Variants in POLR2J observed in about 807,000 individuals in gnomAD.
The protein encoded by POLR2J is DNA-directed RNA polymerase II subunit RPB11-a.
A neutral mutation model predicts 13.4 loss-of-function variants in POLR2J; 12 were observed. The ratio of observed to expected loss-of-function variants is 0.90; its 90% CI spans 0.57 to 1.45. The LOEUF (loss-of-function observed/expected upper bound fraction) is 1.45, where lower values mean the gene tolerates loss of function less well. Among genes scored for constraint, POLR2J ranks in the 40% most tolerant of loss-of-function variants. The pLI, the probability that POLR2J is intolerant of heterozygous loss-of-function variation, is 0.00. For missense variants in POLR2J, 58 were observed against 132.0 expected (o/e 0.44, Z 2.75); for synonymous variants, 31 against 53.6 (o/e 0.58, Z 1.84).
At chr7:102,475,106 G>C in intron 2 of POLR2J, among the ~76,000 whole-genome samples, 1 of 152,174 alleles carries the variant, frequency 6.6e-6, no homozygotes, top group African/African-American at 2.4e-5. Flanking sequence ...GTGCATAGGT[G>C]GCAACACTGA....
At chr7:102,474,013 G>T in intron 3 of POLR2J, 2 of 1,439,182 alleles carry the variant, frequency 1.4e-6, no homozygotes, top group South Asian at 3.0e-5. Flanking sequence ...CCACCCGGGG[G>T]TGAGCTGCCT....
chr7:102,474,043 C>A lies in POLR2J; in HGVS notation c.318+318G>T, dbSNP rs566081651. The A allele has an allele frequency of 4.7e-5, 68 of 1,446,856 alleles. No homozygotes were observed. The African/African-American group carries it at 9.4e-4, about 20-fold the overall frequency. The allele number at this position is 1,446,856 out of a possible 1,614,324, so 89.6% of individuals were successfully genotyped here. ...CTGCCTCCCAGAGACCTGGAAGGAC[C>A]AGGCCTTGCCAATCACCAACAAGGG... On this transcript the variant is annotated intron_variant, in intron 3 of 3. Coordinates refer to ENST00000292614, the MANE Select transcript of POLR2J (RefSeq NM_006234.6).
intron 3 of POLR2J, chr7:102,473,969 G>T: frequency 1.4e-6 from 2 of 1,435,666 alleles, no homozygotes; most frequent in South Asian, 1.5e-5. Flanking sequence ...AACTGTTCTA[G>T]ATTCCCATGC....
Position 102,473,566 on chromosome 7 carries a change from T to G in POLR2J, c.*83A>C. 1.4e-6 allele frequency: 2 copies of G among 1,391,630 alleles called. No homozygotes were observed. The allele number at this position is 1,391,630 out of a possible 1,614,324, so 86.2% of individuals were successfully genotyped here. The stretch of plus-strand genomic sequence containing the variant: ...GCGGGCCATGGCTGGGACCGGCCGC[T>G]CTCCTCGGTGTGGTACCTGGAGCGG... On this transcript the variant is annotated 3_prime_UTR_variant, in exon 4 of 4. Transcript: ENST00000292614.
At position 102,473,570 on chromosome 7, in the gene POLR2J, C is replaced by T. The variant is rs925910970; in HGVS notation, c.*79G>A. On this transcript the variant is annotated 3_prime_UTR_variant, in exon 4 of 4. Coordinates refer to ENST00000292614, the MANE Select transcript of POLR2J (RefSeq NM_006234.6). Reference sequence around the variant, plus strand: ...GCCATGGCTGGGACCGGCCGCTCTCCTCGGTGTGGTACCTGGAGCGGAGGG... The same window carrying T: ...GCCATGGCTGGGACCGGCCGCTCTCTTCGGTGTGGTACCTGGAGCGGAGGG... 70 of 1,430,790 alleles carry T rather than the reference C, an allele frequency of 4.9e-5. 2 individuals carry two copies. The highest frequency in any genetic ancestry group is 6.3e-5 in the Non-Finnish European group (69 of 1,101,764). The allele number at this position is 1,430,790 out of a possible 1,614,324, so 88.6% of individuals were successfully genotyped here.
rs1436816410 is a variant in POLR2J, at chr7:102,473,626, C to T, written c.*23G>A. 1.3e-6 allele frequency: 2 copies of T among 1,599,178 alleles called. No individual in the cohort carries two copies. Among genetic ancestry groups the T allele is most frequent in the East Asian group, 4.7e-5 (2 of 42,810 alleles). ...CACAGGTAGGAACGGGGCTCACAGG[C>T]CGAGCAGAGCCCCCTCTGGCCCCTA... On this transcript the variant is annotated 3_prime_UTR_variant, in exon 4 of 4. Coordinates refer to ENST00000292614, the MANE Select transcript of POLR2J (RefSeq NM_006234.6).
chr7:102,473,572 C>A lies in POLR2J; in HGVS notation c.*77G>T. The A allele has an allele frequency of 6.3e-7, 1 of 1,593,660 alleles. No homozygotes were observed. Among genetic ancestry groups the A allele is most frequent in the South Asian group, 1.1e-5 (1 of 88,302 alleles). On this transcript the variant is annotated 3_prime_UTR_variant, in exon 4 of 4. Coordinates refer to ENST00000292614, the MANE Select transcript of POLR2J (RefSeq NM_006234.6). ...CATGGCTGGGACCGGCCGCTCTCCT[C>A]GGTGTGGTACCTGGAGCGGAGGGTC...
chr7:102,474,958 C>G (rs1238478201), intron 2 of POLR2J, among the ~76,000 whole-genome samples: 3 of 149,356 alleles, frequency 2.0e-5, no homozygotes, highest in Non-Finnish European at 4.5e-5. Flanking sequence ...ACTCTGCCCT[C>G]CGAGCAGCAC....
chr7:102,478,738 C>G (rs1184390092), intron 1 of POLR2J, 70 bp downstream of exon 1: 12 of 1,598,518 alleles, frequency 7.5e-6, no homozygotes, highest in Non-Finnish European at 1.0e-5. Flanking sequence ...AAGAGATGGG[C>G]AGGAGACACC....
chr7:102,478,921 A>G lies in POLR2J; in HGVS notation c.-61T>C, dbSNP rs1446109118. The G allele has an allele frequency of 1.9e-6, 3 of 1,604,568 alleles. No homozygotes were observed. The highest frequency in any genetic ancestry group is 2.7e-5 in the African/African-American group (2 of 74,512). Reference sequence around the variant, plus strand: ...CGCCGCCGCCGCCACCAGAGCCCTAATAAGAGGCCTCTTCCGGATTACTCC... The same window carrying G: ...CGCCGCCGCCGCCACCAGAGCCCTAGTAAGAGGCCTCTTCCGGATTACTCC... On this transcript the variant is annotated 5_prime_UTR_variant, in exon 1 of 4. Coordinates refer to ENST00000292614, the MANE Select transcript of POLR2J (RefSeq NM_006234.6).
rs113268416 is a variant in POLR2J at position 102,473,857 on chromosome 7, T to C, written c.319-173A>G. 11,886 of 1,443,902 alleles carry C rather than the reference T, an allele frequency of 8.2e-3. 808 individuals carry two copies. The African/African-American group carries it at 0.15, about 18-fold the overall frequency. The allele number at this position is 1,443,902 out of a possible 1,614,324, so 89.4% of individuals were successfully genotyped here. Reference sequence around the variant, plus strand: ...CTCCCAGCTGGCCCAATCCAGCCATTCTCTATGGCAGCCCCGGCAGGAGTC... The same window carrying C: ...CTCCCAGCTGGCCCAATCCAGCCATCCTCTATGGCAGCCCCGGCAGGAGTC... On this transcript the variant is annotated intron_variant, in intron 3 of 3. Coordinates refer to ENST00000292614, the MANE Select transcript of POLR2J (RefSeq NM_006234.6).
In POLR2J at chr7:102,473,580, T is replaced by A; in HGVS notation, c.*69A>T. ...GGACCGGCCGCTCTCCTCGGTGTGG[T>A]ACCTGGAGCGGAGGGTCAGGCACAG... On this transcript the variant is annotated 3_prime_UTR_variant, in exon 4 of 4. Coordinates refer to ENST00000292614, the MANE Select transcript of POLR2J (RefSeq NM_006234.6). The A allele has an allele frequency of 6.6e-7, 1 of 1,511,092 alleles. No homozygotes were observed. The highest frequency in any genetic ancestry group is 8.8e-7 in the Non-Finnish European group (1 of 1,139,498). 93.6% of individuals were successfully genotyped at this position (1,511,092 alleles called of 1,614,324 possible). A position where few individuals can be genotyped will look rare whatever the true frequency, so the allele number is the denominator to read the frequency against.
Position 102,473,519 on chromosome 7 carries a change from C to A in POLR2J, c.*130G>T. On this transcript the variant is annotated 3_prime_UTR_variant, in exon 4 of 4. Transcript: ENST00000292614. ...ATCTATGTACAGGACACGTCGGTGT[C>A]AGGGTGAGGGGTGGCCACAAGGCGG... The A allele has an allele frequency of 7.1e-7, 1 of 1,403,732 alleles. No individual in the cohort carries two copies. The highest frequency in any genetic ancestry group is 9.7e-7 in the Non-Finnish European group (1 of 1,035,338). 87.0% of individuals were successfully genotyped at this position (1,403,732 alleles called of 1,614,324 possible).
At chr7:102,473,808 G>A in intron 3 of POLR2J, 124 bp from the exon 4 acceptor site, 2 of 1,499,476 alleles carry the variant, frequency 1.3e-6, no homozygotes, top group Non-Finnish European at 8.9e-7. Context: ...ACACTCCCCA[G>A]GACAGTGGAG....
At chr7:102,474,070 C>T (rs535283947) in intron 3 of POLR2J, 30 of 1,408,704 alleles carry the variant, frequency 2.1e-5, no homozygotes, top group South Asian at 1.2e-4. Flanking sequence ...CAACAAGGGA[C>T]GTAGAAGAGC....
Position 102,473,749 on chromosome 7 carries a change from T to A in POLR2J, c.319-65A>T, listed in dbSNP as rs889104777. 3.2e-5 allele frequency: 51 copies of A among 1,605,928 alleles called. No individual in the cohort carries two copies. In the South Asian group the frequency reaches 4.8e-4, roughly 15 times the overall value. ...CTGGGGCAAGGACGCTGGAAACACATGCCCAGCATCCCCCCCGCCAGGCCC... is the reference window on the plus strand; with the variant it reads ...CTGGGGCAAGGACGCTGGAAACACAAGCCCAGCATCCCCCCCGCCAGGCCC... On this transcript the variant is annotated intron_variant, in intron 3 of 3. Coordinates refer to ENST00000292614, the MANE Select transcript of POLR2J (RefSeq NM_006234.6).
intron 3 of POLR2J, 77 bp downstream of exon 3, chr7:102,474,284 G>A (rs749877535): frequency 9.3e-6 from 15 of 1,610,158 alleles, no homozygotes; most frequent in Non-Finnish European, 1.2e-5. Flanking sequence ...GAAGAAACAG[G>A]CCAGGGCTGT....
At position 102,473,173 on chromosome 7, in the gene POLR2J, G is replaced by A. The variant is rs954625585; in HGVS notation, c.*476C>T. The stretch of plus-strand genomic sequence containing the variant: ...AAACTCTACTGTGGACAAGAAGCCT[G>A]TGGAAAGGTGTTTCGAGTTATGCAG... On this transcript the variant is annotated 3_prime_UTR_variant, in exon 4 of 4. Coordinates refer to ENST00000292614, the MANE Select transcript of POLR2J (RefSeq NM_006234.6). The A allele has an allele frequency of 6.9e-6, 8 of 1,154,926 alleles. No individual in the cohort carries two copies. The African/African-American group carries it at 7.8e-5, about 11-fold the overall frequency. 71.5% of individuals were successfully genotyped at this position (1,154,926 alleles called of 1,614,324 possible). A position where few individuals can be genotyped will look rare whatever the true frequency, so the allele number is the denominator to read the frequency against.
At chr7:102,475,937 C>A (rs4729792) in intron 2 of POLR2J, among the ~76,000 whole-genome samples, 21,039 of 78,918 alleles carry the variant, frequency 0.27, 3,237 homozygotes, top group East Asian at 0.51. Flanking sequence ...AACAAACAAA[C>A]AAACAGTGAA....
Sources: gnomAD v4.1 joint callset for allele counts (sites outside exome capture counted in the v4.1 genomes callset) on GRCh38, gnomAD v4.1.1 for gene constraint, MANE v1.5 for transcripts, NCBI Gene and HGNC (gene_info 2026-07-23, HGNC 2026-07-21) for gene names.